The following FER1L6 variants were observed in gnomAD, a reference collection of about 807,000 sequenced individuals.
The protein encoded by FER1L6 is fer-1 like family member 6, also known as fer-1-like protein 6.
Under a neutral mutation model 219.2 loss-of-function variants are expected in FER1L6, and 177 were observed. That is an observed-to-expected ratio of 0.81 (90% CI 0.71 to 0.91). FER1L6 has a LOEUF of 0.91. FER1L6 is among the 40% of genes least tolerant of loss of function. FER1L6 has a pLI of 0.00. For synonymous variants in FER1L6, 768 were observed against 824.3 expected (o/e 0.93, Z 1.17); for missense variants, 2,153 against 2,259.9 (o/e 0.95, Z 0.96).
intron 1 of FER1L6, among the ~76,000 whole-genome samples, chr8:123,875,541 A>G (rs1428988529): frequency 6.6e-6 from 1 of 152,122 alleles, no homozygotes; most frequent in Non-Finnish European, 1.5e-5. Flanking sequence ...GATTTTAAAT[A>G]CCATCTTCCA....
intron 1 of FER1L6, among the ~76,000 whole-genome samples, chr8:123,914,233 T>C (rs1813123040): frequency 6.6e-6 from 1 of 152,220 alleles, no homozygotes; most frequent in African/African-American, 2.4e-5. Context: ...ATCCCTGTTC[T>C]AGGAGAACTG....
intron 39 of FER1L6, among the ~76,000 whole-genome samples, chr8:124,115,200 CTAGA>C (rs1489391714): frequency 1.3e-5 from 2 of 150,790 alleles, no homozygotes; most frequent in Non-Finnish European, 2.9e-5. Context: ...CATTAGGCTA[CTAGA>C]TAGTCTCTTG....
intron 33 of FER1L6, among the ~76,000 whole-genome samples, chr8:124,089,261 T>C (rs73330180): frequency 0.036 from 5,489 of 152,284 alleles, 324 homozygotes; most frequent in African/African-American, 0.12. Flanking sequence ...GAGTTGTGTC[T>C]GGTGTTTCTT....
chr8:123,926,399 T>C (rs1309847381), intron 1 of FER1L6, among the ~76,000 whole-genome samples: 1 of 152,150 alleles, frequency 6.6e-6, no homozygotes, highest in African/African-American at 2.4e-5. Flanking sequence ...CCAGGCCAGA[T>C]TGTCTGGCTC....
intron 10 of FER1L6, among the ~76,000 whole-genome samples, chr8:123,978,607 A>T (rs762176736): frequency 1.3e-5 from 2 of 152,236 alleles, no homozygotes; most frequent in Admixed American, 6.5e-5. Context: ...TTTTGCATAC[A>T]TACATGCACA....
Position 123,980,566 on chromosome 8 carries a change from G to T in FER1L6, c.1165G>T (p.Glu389Ter), listed in dbSNP as rs1173623676. 1 of 1,614,060 alleles carries T rather than the reference G, an allele frequency of 6.2e-7. No individual in the cohort carries two copies. The highest frequency in any genetic ancestry group is 8.5e-7 in the Non-Finnish European group (1 of 1,180,020). Reference protein sequence around the residue: ...DYQEMNEGFGEGVSFRGRILV... With the variant: ...DYQEMNEGFG Reference sequence around the variant, plus strand: ...CCAGGAAATGAACGAAGGCTTTGGGGAAGGTGTGTCATTCAGGGGCAGAAT... The same window carrying T: ...CCAGGAAATGAACGAAGGCTTTGGGTAAGGTGTGTCATTCAGGGGCAGAAT... The change falls in exon 11 of 41, where the codon GAA becomes TAA. Residue 389 changes from glutamate to a stop codon, truncating the protein, a stop_gained. Transcript: ENST00000522917. LOFTEE classifies it high-confidence loss of function.
At chr8:123,886,749 C>A (rs62518670) in intron 1 of FER1L6, among the ~76,000 whole-genome samples, 4,453 of 152,288 alleles carry the variant, frequency 0.029, 102 homozygotes, top group Middle Eastern at 0.092. Flanking sequence ...CACTCCACTT[C>A]ACTATTATAT....
intron 12 of FER1L6, among the ~76,000 whole-genome samples, chr8:123,996,337 G>T (rs1258321923): frequency 2.2e-4 from 34 of 152,070 alleles, no homozygotes; most frequent in Admixed American, 2.2e-3. Flanking sequence ...GGGTGCTTCA[G>T]CATTGGGTGC....
intron 1 of FER1L6, among the ~76,000 whole-genome samples, chr8:123,944,208 C>T (rs1432133416): frequency 6.6e-6 from 1 of 151,400 alleles, no homozygotes; most frequent in Non-Finnish European, 1.5e-5. Context: ...TGATGACTGT[C>T]CCAGAGCAAC....
At chr8:123,951,010 A>G (rs771681275) in intron 1 of FER1L6, among the ~76,000 whole-genome samples, 4 of 152,264 alleles carry the variant, frequency 2.6e-5, no homozygotes, top group Non-Finnish European at 4.4e-5. Flanking sequence ...GACGTGGATT[A>G]TAAAGTGCAG....
At chr8:124,054,885 G>C (rs1820210592) in intron 22 of FER1L6, among the ~76,000 whole-genome samples, 1 of 152,194 alleles carries the variant, frequency 6.6e-6, no homozygotes, top group South Asian at 2.1e-4. Flanking sequence ...ACTTAATGTT[G>C]CAACGCGAAG....
At chr8:123,855,760 ATGTGTGTGTATATATATG>A (rs1390021823) in intron 1 of FER1L6, among the ~76,000 whole-genome samples, 2 of 144,708 alleles carry the variant, frequency 1.4e-5, no homozygotes, top group African/African-American at 2.7e-5. Context: ...GTGTATATAT[ATGTGTGTGTATATATATG>A]TGTGTGTGTG....
At chr8:124,087,826 C>G (rs1821848137) in intron 33 of FER1L6, among the ~76,000 whole-genome samples, 1 of 152,140 alleles carries the variant, frequency 6.6e-6, no homozygotes. Flanking sequence ...TACTGTGGCT[C>G]CTGCAGACTT....
At chr8:123,940,121 C>T (rs973881707) in intron 1 of FER1L6, among the ~76,000 whole-genome samples, 4 of 152,134 alleles carry the variant, frequency 2.6e-5, no homozygotes, top group African/African-American at 4.8e-5. Flanking sequence ...TGTTAAATTA[C>T]GATAACAACT....
chr8:123,986,325 A>G, intron 12 of FER1L6, 149 bp downstream of exon 12: 1 of 577,094 alleles, frequency 1.7e-6, no homozygotes, highest in Non-Finnish European at 3.1e-6. Flanking sequence ...TGTCTACTCT[A>G]TTGTCAATAT....
intron 1 of FER1L6, among the ~76,000 whole-genome samples, chr8:123,926,108 AAC>A (rs1319511160): frequency 6.6e-6 from 1 of 152,226 alleles, no homozygotes; most frequent in African/African-American, 2.4e-5. Context: ...AGTGTAAATT[AAC>A]ACTCAGAATG....
intron 22 of FER1L6, among the ~76,000 whole-genome samples, chr8:124,051,118 C>G (rs1028061643): frequency 6.6e-6 from 1 of 152,080 alleles, no homozygotes; most frequent in African/African-American, 2.4e-5. Context: ...GATTAATGCC[C>G]TGACAAGAAG....
rs556580419 is a variant in FER1L6 at position 123,916,113 on chromosome 8, T to G, written c.-7-39879T>G. 4.2e-3 allele frequency among the ~76,000 whole-genome samples: 634 copies of G among 152,338 alleles called. 3 individuals carry two copies. The highest frequency in any genetic ancestry group is 7.0e-3 in the Non-Finnish European group (479 of 68,038). On this transcript the variant is annotated intron_variant, in intron 1 of 40. Transcript: ENST00000522917. Reference sequence around the variant, plus strand: ...AAGAGGACCCAGGGTCAAAGCTGCCTTCTGCAGGCAGCCCTCCTAGATTTC... The same window carrying G: ...AAGAGGACCCAGGGTCAAAGCTGCCGTCTGCAGGCAGCCCTCCTAGATTTC...
chr8:124,032,601 C>A (rs1173611621), intron 18 of FER1L6, among the ~76,000 whole-genome samples: 1 of 151,786 alleles, frequency 6.6e-6, no homozygotes, highest in Non-Finnish European at 1.5e-5. Flanking sequence ...ACTATCCGGG[C>A]ATGGTGGTGC....
Sources: gnomAD v4.1 joint callset for allele counts (sites outside exome capture counted in the v4.1 genomes callset) on GRCh38, gnomAD v4.1.1 for gene constraint, MANE v1.5 for transcripts, NCBI Gene and HGNC (gene_info 2026-07-23, HGNC 2026-07-21) for gene names.